The following DUSP26 variants were observed in gnomAD, a reference collection of about 807,000 sequenced individuals.
DUSP26 encodes the protein dual specificity protein phosphatase 26.
DUSP26 carries 12 observed loss-of-function variants against 20.0 expected under a neutral mutation model. That is an observed-to-expected ratio of 0.60 (90% CI 0.38 to 0.97). DUSP26 has a LOEUF of 0.97. Ranked by LOEUF, DUSP26 falls within the 50% of genes least tolerant of loss-of-function variation. DUSP26 has a pLI of 0.00. For missense variants in DUSP26, 230 were observed against 294.0 expected, an observed-to-expected ratio of 0.78 and a Z score of 1.59; for synonymous variants, 120 against 118.8, an observed-to-expected ratio of 1.01 and a Z score of -0.06.
At chr8:33,596,317 C>A (rs1219760647) in intron 2 of DUSP26, among the ~76,000 whole-genome samples, 1 of 151,758 alleles carries the variant, frequency 6.6e-6, no homozygotes, top group Non-Finnish European at 1.5e-5. Flanking sequence ...GTGGCTCACA[C>A]CTATAATCCT....
Position 33,593,711 on chromosome 8 carries a change from C to G in DUSP26, c.258G>C (p.Leu86=). Residue 86 remains leucine, a synonymous_variant, in exon 3 of 4, where the codon CTG becomes CTC. Transcript: ENST00000256261. The stretch of plus-strand genomic sequence containing the variant: ...AGGCATTGAGGACGTGCGTGATGCC[C>G]AGGCGGCGAAGCTCCCGGCGGTTGT... The part of the protein sequence containing the change: ...MANNRRELRR[L]GITHVLNASH... 6.2e-7 allele frequency: 1 copy of G among 1,614,196 alleles called. No homozygotes were observed. Among genetic ancestry groups the G allele is most frequent in the South Asian group, 1.1e-5 (1 of 91,078 alleles).
rs1267493502 is a variant in DUSP26 at position 33,591,843 on chromosome 8, TC to T, written c.*169del. On this transcript the variant is annotated 3_prime_UTR_variant, in exon 4 of 4. Coordinates refer to ENST00000256261, the MANE Select transcript of DUSP26 (RefSeq NM_024025.3). ...CATCCACCACACTGCCCAACCTCAC[TC>T]CCCGTCCCCTCCCACAAAGAGTGAC... 2.4e-5 allele frequency: 18 copies of T among 759,206 alleles called. No individual in the cohort carries two copies. The highest frequency in any genetic ancestry group is 3.7e-5 in the Non-Finnish European group (18 of 484,080). 47.0% of individuals were successfully genotyped at this position (759,206 alleles called of 1,614,324 possible).
rs751257736 is a variant in DUSP26 at position 33,592,226 on chromosome 8, C to CAGAG, written c.437-15_437-14insCTCT. The CAGAG allele has an allele frequency of 7.0e-6, 11 of 1,580,482 alleles. No individual in the cohort carries two copies. The highest frequency in any genetic ancestry group is 3.5e-5 in the South Asian group (3 of 86,454). On this transcript the variant is annotated splice_polypyrimidine_tract_variant and intron_variant, in intron 3 of 3. Transcript: ENST00000256261. ...CCAGGATCTTCCCTGAGAGGAGAGA[C>CAGAG]ACAGAGAGAGCTTTGAGACTGCTTG...
At chr8:33,599,015 G>A (rs1811211877) in intron 1 of DUSP26, among the ~76,000 whole-genome samples, 1 of 152,192 alleles carries the variant, frequency 6.6e-6, no homozygotes, top group African/African-American at 2.4e-5. Context: ...AGGGGTTTTA[G>A]GACCAGGATT....
rs1811013598 is a variant in DUSP26 at position 33,591,357 on chromosome 8, C to G, written c.*656G>C. On this transcript the variant is annotated 3_prime_UTR_variant, in exon 4 of 4. Transcript: ENST00000256261. ...CTTTTTCATGATCTTTATTTATCCT[C>G]GAGACGCTTGGATCCAGTAAGCGAG... The G allele has an allele frequency of 6.6e-6, 1 of 152,568 alleles. No homozygotes were observed. The highest frequency in any genetic ancestry group is 6.6e-5 in the Admixed American group (1 of 15,250). 9.5% of individuals were successfully genotyped at this position (152,568 alleles called of 1,614,324 possible).
intron 3 of DUSP26, 55 bp downstream of exon 3, chr8:33,593,478 C>G (rs898264585): frequency 3.2e-5 from 51 of 1,583,868 alleles, no homozygotes; most frequent in Non-Finnish European, 4.3e-6. Flanking sequence ...GACCCTTGGA[C>G]TTCCCCAAAT....
rs766421522 is a variant in DUSP26, at chr8:33,597,326, C to T, written c.190G>A (p.Glu64Lys). 1.4e-5 allele frequency: 22 copies of T among 1,613,334 alleles called. No individual in the cohort carries two copies. Among genetic ancestry groups the T allele is most frequent in the Admixed American group, 6.7e-5 (4 of 59,948 alleles). ...TGKTACNHAD[E>K]VWPGLYLGDQ... ...CCGAGATAGAGGCCTGGCCAGACCT[C>T]GTCGGCATGGTTACAGGCTGTCTTG... is the stretch of plus-strand genomic sequence containing the variant. Residue 64 changes from glutamate to lysine, a missense_variant, in exon 2 of 4, where the codon GAG (glutamate) becomes AAG (lysine). Physicochemically the swap from Glu to Lys is moderately conservative, Grantham distance 56. Transcript: ENST00000256261.
intron 1 of DUSP26, among the ~76,000 whole-genome samples, chr8:33,599,156 A>G (rs1455726078): frequency 6.6e-6 from 1 of 151,984 alleles, no homozygotes; most frequent in Non-Finnish European, 1.5e-5. Flanking sequence ...TACCACCATC[A>G]CCACCATCAC....
Position 33,597,717 on chromosome 8 carries a change from T to C in DUSP26, c.-76-126A>G, listed in dbSNP as rs74407899. ...GGTAAGCCTGGCTCTGGCAGGAGCC[T>C]TCAGGGGTGGCTTTTTCTTCAAGCT... On this transcript the variant is annotated intron_variant, in intron 1 of 3. Transcript: ENST00000256261. The C allele has an allele frequency of 5.0e-4, 265 of 526,466 alleles. 1 individual carries two copies. The highest frequency in any genetic ancestry group is 4.9e-3 in the African/African-American group (257 of 51,978). The allele number at this position is 526,466 out of a possible 1,614,324, so 32.6% of individuals were successfully genotyped here.
chr8:33,593,978 C>A (rs919800864), intron 2 of DUSP26, among the ~76,000 whole-genome samples: 1 of 152,052 alleles, frequency 6.6e-6, no homozygotes, highest in Non-Finnish European at 1.5e-5. Flanking sequence ...TGCCACTATA[C>A]CCGGATAATT....
At position 33,599,741 on chromosome 8, in the gene DUSP26, C is replaced by G. The variant is rs939863485; in HGVS notation, c.-153G>C. ...CAGACAGCGCCACGGCCATGACGCTCCTGCTGCTGTCGCCGCCGCTGTTTC... is the reference window on the plus strand; with the variant it reads ...CAGACAGCGCCACGGCCATGACGCTGCTGCTGCTGTCGCCGCCGCTGTTTC... On this transcript the variant is annotated 5_prime_UTR_variant, in exon 1 of 4. Transcript: ENST00000256261. 1 of 152,366 alleles carries G rather than the reference C, an allele frequency of 6.6e-6. No homozygotes were observed. The highest frequency in any genetic ancestry group is 1.5e-5 in the Non-Finnish European group (1 of 68,132). 9.4% of individuals were successfully genotyped at this position (152,366 alleles called of 1,614,324 possible).
At chr8:33,597,859 C>T (rs949657028) in intron 1 of DUSP26, 1 of 180,312 alleles carries the variant, frequency 5.5e-6, no homozygotes, top group Admixed American at 8.3e-5. Flanking sequence ...GCTTCATCAC[C>T]CCACCCCCAC....
rs3085245 is a variant in DUSP26 at position 33,595,358 on chromosome 8, T to TTTTTGTTG, written c.222-1612_222-1611insCAACAAAA. 6.0e-5 allele frequency among the ~76,000 whole-genome samples: 9 copies of TTTTTGTTG among 151,158 alleles called. No individual in the cohort carries two copies. The East Asian group carries it at 1.2e-3, about 20-fold the overall frequency. On this transcript the variant is annotated intron_variant, in intron 2 of 3. Transcript: ENST00000256261. Reference sequence around the variant, plus strand: ...CACATTTACTGTGACTGTGTTTTTTTTTGTTGTTGTTGTTGTTGTTTGTTT... The same window carrying TTTTTGTTG: ...CACATTTACTGTGACTGTGTTTTTTTTTTTGTTGTTGTTGTTGTTGTTGTTGTTTGTTT...
At chr8:33,592,332 A>G in intron 3 of DUSP26, 120 bp from the exon 4 acceptor site, 1 of 971,282 alleles carries the variant, frequency 1.0e-6, no homozygotes. Context: ...GCACTTTTGG[A>G]GGCCGAAGGG....
At position 33,592,074 on chromosome 8, in the gene DUSP26, C is replaced by T. The variant is rs1488143221; in HGVS notation, c.575G>A (p.Arg192Gln). 4.3e-6 allele frequency: 7 copies of T among 1,613,924 alleles called. No homozygotes were observed. The highest frequency in any genetic ancestry group is 2.2e-5 in the South Asian group (2 of 91,052). ...GGCCAGGAGCTGCCTCAGGAAGCCCCGGTTGGGGATGATGCCTCGGTGGTC... is the reference window on the plus strand; with the variant it reads ...GGCCAGGAGCTGCCTCAGGAAGCCCTGGTTGGGGATGATGCCTCGGTGGTC... ...VKDHRGIIPN[R>Q]GFLRQLLALD... Residue 192 changes from arginine (R) to glutamine (Q), a missense_variant, in exon 4 of 4, where the codon CGG becomes CAG. By Grantham distance (43) the Arg-to-Gln change is conservative (BLOSUM62 1). Transcript: ENST00000256261.
Position 33,591,783 on chromosome 8 carries a change from C to T in DUSP26, c.*230G>A. 1.8e-6 allele frequency: 1 copy of T among 560,774 alleles called. No individual in the cohort carries two copies. Among genetic ancestry groups the T allele is most frequent in the Non-Finnish European group, 3.2e-6 (1 of 315,634 alleles). 34.7% of individuals were successfully genotyped at this position (560,774 alleles called of 1,614,324 possible). ...GGACCATCTTCCATCTACAGCCTAG[C>T]TGCCTCCTTCCCTGGTCAACCCTTC... On this transcript the variant is annotated 3_prime_UTR_variant, in exon 4 of 4. Transcript: ENST00000256261.
At chr8:33,598,125 CT>C (rs1811194081) in intron 1 of DUSP26, among the ~76,000 whole-genome samples, 1 of 152,078 alleles carries the variant, frequency 6.6e-6, no homozygotes, top group African/African-American at 2.4e-5. Flanking sequence ...ACTTTAACCC[CT>C]TCGTGACCTG....
intron 2 of DUSP26, 92 bp from the exon 3 acceptor site, chr8:33,593,839 T>C: frequency 7.0e-7 from 1 of 1,433,400 alleles, no homozygotes; most frequent in Non-Finnish European, 9.6e-7. Context: ...CTGAATCCTA[T>C]TGTTGATTTT....
intron 2 of DUSP26, among the ~76,000 whole-genome samples, chr8:33,596,272 A>C (rs1811142515): frequency 6.6e-6 from 1 of 151,102 alleles, no homozygotes. Flanking sequence ...CAACAGTGAG[A>C]CCCTGTCTCA....
Sources: allele counts gnomAD v4.1 joint callset (sites outside exome capture counted in the v4.1 genomes callset), GRCh38; gene constraint gnomAD v4.1.1; transcripts MANE v1.5; gene names NCBI Gene and HGNC (gene_info 2026-07-23, HGNC 2026-07-21).